The following GINS3 variants were observed in gnomAD, a reference collection of about 807,000 sequenced individuals.
GINS3 encodes the protein DNA replication complex GINS protein PSF3.
In GINS3, 18 loss-of-function variants were observed where a neutral mutation model predicts 20.0. The ratio of observed to expected loss-of-function variants is 0.90; its 90% confidence interval spans 0.62 to 1.33. The LOEUF (loss-of-function observed/expected upper bound fraction) is 1.33, where lower values mean the gene tolerates loss of function less well. Ranked by LOEUF, GINS3 falls within the 40% of genes most tolerant of loss-of-function variation. GINS3 has a pLI of 0.00. For synonymous variants in GINS3, 109 were observed against 107.0 expected (o/e 1.02, Z -0.12); for missense variants, 254 against 273.6 (o/e 0.93, Z 0.51).
intron 1 of GINS3, among the ~76,000 whole-genome samples, chr16:58,398,013 T>G (rs545769117): frequency 6.6e-6 from 1 of 152,294 alleles, no homozygotes; most frequent in Admixed American, 6.5e-5. Flanking sequence ...TATCAATTTT[T>G]TTATTCTTTT....
intron 1 of GINS3, among the ~76,000 whole-genome samples, chr16:58,398,919 G>A (rs1037860743): frequency 6.6e-6 from 1 of 152,164 alleles, no homozygotes; most frequent in Admixed American, 6.5e-5. Context: ...GTCATAGTGT[G>A]CAATAAATAA....
At position 58,403,327 on chromosome 16, in the gene GINS3, T is replaced by C; in HGVS notation, c.416T>C (p.Leu139Pro). ...AATGCAGACATTTCCCAGTCTCTGCTGCAGGCAAGTAATGGGTGTGAAAAC... is the reference window on the plus strand; with the variant it reads ...AATGCAGACATTTCCCAGTCTCTGCCGCAGGCAAGTAATGGGTGTGAAAAC... ...PENADISQSL[L>P]QTFIGRFRRI... Residue 139 changes from leucine to proline, a missense_variant, in exon 2 of 3, where the codon CTG becomes CCG. Physicochemically the swap from Leu to Pro is moderately conservative, Grantham distance 98 (BLOSUM62 -3). Coordinates refer to ENST00000318129, the MANE Select transcript of GINS3 (RefSeq NM_022770.4). The C allele has an allele frequency of 6.2e-7, 1 of 1,613,108 alleles. No homozygotes were observed. Among genetic ancestry groups the C allele is most frequent in the South Asian group, 1.1e-5 (1 of 91,002 alleles).
chr16:58,402,867 T>C (rs1965975441), intron 1 of GINS3: 1 of 562,290 alleles, frequency 1.8e-6, no homozygotes. Flanking sequence ...ACATTTTTGT[T>C]CACCATGTTT....
At chr16:58,394,013 G>GT (rs1223040091) in intron 1 of GINS3, among the ~76,000 whole-genome samples, 4 of 151,554 alleles carry the variant, frequency 2.6e-5, no homozygotes, top group South Asian at 2.1e-4. Context: ...TTGTTGGGTT[G>GT]TTTTTTTTAA....
At chr16:58,402,671 T>C (rs1413166037) in intron 1 of GINS3, among the ~76,000 whole-genome samples, 1 of 152,098 alleles carries the variant, frequency 6.6e-6, no homozygotes, top group Non-Finnish European at 1.5e-5. Context: ...CAAGCTCAGG[T>C]TGATCTTATT....
intron 1 of GINS3, among the ~76,000 whole-genome samples, chr16:58,396,335 C>T (rs1438290005): frequency 1.0e-4 from 13 of 124,122 alleles, no homozygotes; most frequent in Non-Finnish European, 1.5e-4. Context: ...CCAGTAGGGG[C>T]GGCCGGGCAG....
intron 1 of GINS3, among the ~76,000 whole-genome samples, chr16:58,398,142 A>C (rs1009607519): frequency 3.9e-5 from 6 of 152,076 alleles, no homozygotes; most frequent in African/African-American, 1.4e-4. Flanking sequence ...CCCACCACAC[A>C]CACACACACA....
At position 58,404,533 on chromosome 16, in the gene GINS3, C is replaced by T. The variant is rs1207826709; in HGVS notation, c.455C>T (p.Ser152Phe). 1 of 1,614,040 alleles carries T rather than the reference C, an allele frequency of 6.2e-7. No individual in the cohort carries two copies. The highest frequency in any genetic ancestry group is 2.2e-5 in the East Asian group (1 of 44,902). ...GGACGTTTTCGCCGCATCATGGACT[C>T]CTCACAGAATGCTTACAACGAAGAC... ...FIGRFRRIMD[S>F]SQNAYNEDTS... The change falls in exon 3 of 3, where the codon TCC becomes TTC. Residue 152 changes from serine to phenylalanine, a missense_variant. Transcript: ENST00000318129.
chr16:58,396,638 G>A lies in GINS3; in HGVS notation c.186+3851G>A, dbSNP rs1435448573. Among the ~76,000 whole-genome samples, 8 of 101,228 alleles carry A rather than the reference G, an allele frequency of 7.9e-5. 2 individuals carry two copies. The South Asian group carries it at 1.5e-3, about 20-fold the overall frequency. 66.4% of individuals were successfully genotyped at this position (101,228 alleles called of 152,430 possible). A position where few individuals can be genotyped will look rare whatever the true frequency, so the allele number is the denominator to read the frequency against. On this transcript the variant is annotated intron_variant, in intron 1 of 2. Coordinates refer to ENST00000318129, the MANE Select transcript of GINS3 (RefSeq NM_022770.4). ...GGCTGATCCCCCCACCTCCCTTCCC[G>A]GACGGGGCGGCTGGCCGGGCGGTGG...
At position 58,403,298 on chromosome 16, in the gene GINS3, C is replaced by G. The variant is rs761630827; in HGVS notation, c.387C>G (p.Pro129=). The G allele has an allele frequency of 4.3e-6, 7 of 1,613,868 alleles. No individual in the cohort carries two copies. Among genetic ancestry groups the G allele is most frequent in the South Asian group, 1.1e-5 (1 of 91,066 alleles). The change falls in exon 2 of 3, where the codon CCC becomes CCG. Residue 129 remains proline (P), a synonymous_variant. Transcript: ENST00000318129. The part of the protein sequence containing the change: ...FGSQLLHFDS[P]ENADISQSLL... The stretch of plus-strand genomic sequence containing the variant: ...CCCAGCTCCTGCATTTTGACAGTCC[C>G]GAGAATGCAGACATTTCCCAGTCTC...
At chr16:58,401,442 T>G (rs1285528909) in intron 1 of GINS3, among the ~76,000 whole-genome samples, 1 of 152,156 alleles carries the variant, frequency 6.6e-6, no homozygotes, top group Non-Finnish European at 1.5e-5. Context: ...GGTGGCCTGC[T>G]TTTATTCCCT....
Position 58,403,133 on chromosome 16 carries a change from AGGACTTTTTGACAACAAGCGAC to A in GINS3, c.226_247del (p.Leu76SerfsTer83). The A allele has an allele frequency of 6.2e-7, 1 of 1,614,184 alleles. No homozygotes were observed. The highest frequency in any genetic ancestry group is 8.5e-7 in the Non-Finnish European group (1 of 1,180,034). Reference sequence around the variant, plus strand: ...TTGAACTACCCTTGTGGCTGGCAAAAGGACTTTTTGACAACAAGCGACGGATCCTTTCTGTGGAACTCCCCAA... The same window carrying A: ...TTGAACTACCCTTGTGGCTGGCAAAAGGATCCTTTCTGTGGAACTCCCCAA... On this transcript the variant is annotated frameshift_variant, in exon 2 of 3. Coordinates refer to ENST00000318129, the MANE Select transcript of GINS3 (RefSeq NM_022770.4). LOFTEE classifies it high-confidence loss of function.
chr16:58,397,431 G>C, intron 1 of GINS3, among the ~76,000 whole-genome samples: 1 of 150,526 alleles, frequency 6.6e-6, no homozygotes, highest in Non-Finnish European at 1.5e-5. Context: ...CTGCAATCTC[G>C]GCACTTTGGG....
chr16:58,397,334 C>T (rs1322468512), intron 1 of GINS3, among the ~76,000 whole-genome samples: 3 of 148,732 alleles, frequency 2.0e-5, no homozygotes, highest in South Asian at 2.1e-4. Context: ...GGATGGCGGC[C>T]GGGCAGAGAC....
intron 1 of GINS3, among the ~76,000 whole-genome samples, chr16:58,396,845 A>G (rs1443291325): frequency 4.2e-5 from 5 of 118,518 alleles, no homozygotes; most frequent in Non-Finnish European, 8.6e-5. Flanking sequence ...GGCCGGGCAG[A>G]GGCGCCCCTC....
chr16:58,398,246 T>TATTCA (rs1200237518), intron 1 of GINS3, among the ~76,000 whole-genome samples: 2 of 152,242 alleles, frequency 1.3e-5, no homozygotes, highest in Non-Finnish European at 2.9e-5. Flanking sequence ...GAAATTATTC[T>TATTCA]ATTCAATTCA....
chr16:58,396,787 ACAGGGCGGC>A (rs1274886572), intron 1 of GINS3, among the ~76,000 whole-genome samples: 4 of 116,430 alleles, frequency 3.4e-5, no homozygotes, highest in African/African-American at 1.4e-4. Flanking sequence ...TCCTTCCCGG[ACAGGGCGGC>A]TGGCCGGGCA....
At chr16:58,393,461 C>T (rs1422563511) in intron 1 of GINS3, 1 of 152,218 alleles carries the variant, frequency 6.6e-6, no homozygotes, top group Non-Finnish European at 1.5e-5. Flanking sequence ...TATCCTGTTT[C>T]ACCTAAGTTT....
intron 1 of GINS3, among the ~76,000 whole-genome samples, chr16:58,402,658 A>G (rs956407884): frequency 6.6e-6 from 1 of 152,094 alleles, no homozygotes; most frequent in African/African-American, 2.4e-5. Context: ...AGGGGCTGCC[A>G]CTCAAGCTCA....
Sources: gnomAD v4.1 joint callset for allele counts (sites outside exome capture counted in the v4.1 genomes callset) on GRCh38, gnomAD v4.1.1 for gene constraint, MANE v1.5 for transcripts, NCBI Gene and HGNC (gene_info 2026-07-23, HGNC 2026-07-21) for gene names.